Variants in WWOX observed in about 807,000 individuals in gnomAD.
The protein encoded by WWOX is WW domain containing oxidoreductase.
In WWOX, 69 loss-of-function variants were observed where a neutral mutation model predicts 46.2. The ratio of observed to expected loss-of-function variants is 1.49; its 90% CI spans 1.23 to 1.82. The LOEUF (loss-of-function observed/expected upper bound fraction) is 1.82. WWOX is among the 40% of genes most tolerant of loss of function. The pLI, the probability that WWOX is intolerant of heterozygous loss-of-function variation, is 0.00. For synonymous variants in WWOX, 359 were observed against 202.6 expected (o/e 1.77, Z -6.56); for missense variants, 919 against 542.6 (o/e 1.69, Z -6.89).
intron 8 of WWOX, chr16:78,996,181 T>A (rs1597252405): frequency 1.0e-6 from 1 of 982,316 alleles, no homozygotes; most frequent in East Asian, 1.1e-4. Context: ...CACATCTTCT[T>A]TAAATAAAAT....
chr16:78,670,314 G>A (rs966734132), intron 8 of WWOX, among the ~76,000 whole-genome samples: 2 of 152,100 alleles, frequency 1.3e-5, no homozygotes, highest in South Asian at 2.1e-4. Flanking sequence ...CGACCCTCCC[G>A]TGATTCTGGA....
chr16:78,683,317 T>A (rs76095404), intron 8 of WWOX, among the ~76,000 whole-genome samples: 3,182 of 135,856 alleles, frequency 0.023, 51 homozygotes, highest in Non-Finnish European at 0.038. Flanking sequence ...GCGGGTGGAT[T>A]GCCTGAGCTC....
intron 8 of WWOX, among the ~76,000 whole-genome samples, chr16:78,964,185 T>C (rs1298030505): frequency 6.6e-6 from 1 of 152,214 alleles, no homozygotes; most frequent in Admixed American, 6.5e-5. Context: ...GGAAGTGACT[T>C]TGGAACTGGG....
At chr16:78,139,522 A>G (rs867864631) in intron 4 of WWOX, among the ~76,000 whole-genome samples, 9 of 152,090 alleles carry the variant, frequency 5.9e-5, no homozygotes, top group African/African-American at 2.2e-4. Flanking sequence ...GCAGGCGCCT[A>G]TAATCCCAGC....
chr16:78,231,434 C>T (rs1335783504), intron 5 of WWOX, among the ~76,000 whole-genome samples: 3 of 152,182 alleles, frequency 2.0e-5, no homozygotes, highest in African/African-American at 7.2e-5. Context: ...GAAATGAGGG[C>T]ATTGGAAATC....
At chr16:78,391,898 G>C (rs2082181063) in intron 6 of WWOX, among the ~76,000 whole-genome samples, 1 of 151,834 alleles carries the variant, frequency 6.6e-6, no homozygotes, top group Non-Finnish European at 1.5e-5. Context: ...TTTCTTTTGT[G>C]CCTCCTCTTT....
At chr16:79,158,395 T>C (rs1229231935) in intron 8 of WWOX, among the ~76,000 whole-genome samples, 1 of 152,182 alleles carries the variant, frequency 6.6e-6, no homozygotes, top group African/African-American at 2.4e-5. Context: ...TTAACACCAT[T>C]CTGAATTGCA....
chr16:78,133,241 C>G (rs2033665786), intron 4 of WWOX, among the ~76,000 whole-genome samples: 2 of 152,110 alleles, frequency 1.3e-5, no homozygotes, highest in African/African-American at 4.8e-5. Context: ...TGAGAAGTAC[C>G]TGAAAGTGAA....
chr16:78,593,157 C>G (rs1421883005), intron 8 of WWOX, among the ~76,000 whole-genome samples: 1 of 152,124 alleles, frequency 6.6e-6, no homozygotes, highest in East Asian at 1.9e-4. Flanking sequence ...CCCACCCTAC[C>G]TTGCTCCCCT....
chr16:79,200,325 G>A (rs2051322215), intron 8 of WWOX, among the ~76,000 whole-genome samples: 1 of 152,176 alleles, frequency 6.6e-6, no homozygotes, highest in Non-Finnish European at 1.5e-5. Context: ...CCCGCTCTCA[G>A]ATCTGAGGCC....
chr16:78,377,549 TCTTA>T (rs1418441205), intron 5 of WWOX, among the ~76,000 whole-genome samples: 3 of 152,190 alleles, frequency 2.0e-5, no homozygotes, highest in African/African-American at 7.2e-5. Flanking sequence ...GAAAAAAAGC[TCTTA>T]CTTCAATAGC....
chr16:78,756,960 GGGA>G, intron 8 of WWOX: 1 of 702,952 alleles, frequency 1.4e-6, no homozygotes, highest in Non-Finnish European at 2.6e-6. Flanking sequence ...CTGCCATGTT[GGGA>G]GGATACTCAA....
intron 5 of WWOX, among the ~76,000 whole-genome samples, chr16:78,385,333 G>T (rs556083754): frequency 6.6e-6 from 1 of 152,074 alleles, no homozygotes; most frequent in African/African-American, 2.4e-5. Context: ...AGTGGCATCG[G>T]GACAAGAGTT....
At chr16:78,397,198 C>A (rs2082306959) in intron 6 of WWOX, among the ~76,000 whole-genome samples, 1 of 150,590 alleles carries the variant, frequency 6.6e-6, no homozygotes, top group East Asian at 1.9e-4. Flanking sequence ...GAAATATTAC[C>A]ATATAGGGAA....
At chr16:78,198,401 G>T (rs1045992378) in intron 5 of WWOX, among the ~76,000 whole-genome samples, 2 of 152,162 alleles carry the variant, frequency 1.3e-5, no homozygotes, top group Non-Finnish European at 2.9e-5. Context: ...CAGTGTTATA[G>T]GAGACAAACC....
At chr16:78,762,026 T>C (rs921964152) in intron 8 of WWOX, among the ~76,000 whole-genome samples, 1 of 152,310 alleles carries the variant, frequency 6.6e-6, no homozygotes, top group East Asian at 1.9e-4. Flanking sequence ...ATTTCTTAGA[T>C]TGAAGAAATA....
At chr16:79,050,730 T>C (rs2048150956) in intron 8 of WWOX, among the ~76,000 whole-genome samples, 1 of 152,030 alleles carries the variant, frequency 6.6e-6, no homozygotes, top group Non-Finnish European at 1.5e-5. Flanking sequence ...GCTACATAGG[T>C]TGGGGGAAGG....
intron 8 of WWOX, among the ~76,000 whole-genome samples, chr16:78,864,494 C>T (rs181619160): frequency 6.6e-6 from 1 of 152,072 alleles, no homozygotes; most frequent in Non-Finnish European, 1.5e-5. Flanking sequence ...ATCTTACACT[C>T]CTGGGATCAG....
intron 8 of WWOX, among the ~76,000 whole-genome samples, chr16:78,990,927 G>A (rs931737873): frequency 6.6e-6 from 1 of 152,232 alleles, no homozygotes; most frequent in Admixed American, 6.5e-5. Flanking sequence ...GAGGTGTCAT[G>A]CTGAGAAAGA....
Sources: gnomAD v4.1 joint callset for allele counts (sites outside exome capture counted in the v4.1 genomes callset) on GRCh38, gnomAD v4.1.1 for gene constraint, MANE v1.5 for transcripts, NCBI Gene and HGNC (gene_info 2026-07-23, HGNC 2026-07-21) for gene names.